Variants in TTYH3 observed in about 807,000 individuals in gnomAD.
TTYH3 encodes the protein tweety family member 3, also known as protein tweety homolog 3.
In TTYH3, 23 loss-of-function variants were observed where a neutral mutation model predicts 68.2. The observed-to-expected ratio is 0.34, with a 90% CI of 0.24 to 0.48. The LOEUF is 0.48. Ranked by LOEUF, TTYH3 falls within the 20% of genes least tolerant of loss-of-function variation. TTYH3 has a pLI of 0.99. For missense variants in TTYH3, 768 were observed against 727.7 expected, an observed-to-expected ratio of 1.06 and a Z score of -0.64; for synonymous variants, 360 against 332.8, an observed-to-expected ratio of 1.08 and a Z score of -0.89.
intron 1 of TTYH3, among the ~76,000 whole-genome samples, chr7:2,635,999 G>T (rs1410698803): frequency 6.6e-6 from 1 of 152,248 alleles, no homozygotes; most frequent in Non-Finnish European, 1.5e-5. Context: ...CGGGGAATGT[G>T]CTGCCTCAGG....
intron 1 of TTYH3, among the ~76,000 whole-genome samples, chr7:2,646,090 C>T (rs879564371): frequency 2.0e-5 from 3 of 152,078 alleles, no homozygotes; most frequent in Non-Finnish European, 4.4e-5. Flanking sequence ...TCTCGGCTCA[C>T]TGCAACCTCC....
chr7:2,647,509 G>A lies in TTYH3; in HGVS notation c.497G>A (p.Arg166Gln). The A allele has an allele frequency of 1.9e-6, 3 of 1,543,592 alleles. No individual in the cohort carries two copies. Among genetic ancestry groups the A allele is most frequent in the Non-Finnish European group, 2.6e-6 (3 of 1,146,442 alleles). The change falls in exon 4 of 14, where the codon CGA becomes CAA. Residue 166 changes from arginine (R) to glutamine (Q), a missense_variant. Arg to Gln is a conservative substitution (Grantham distance 43). Transcript: ENST00000258796. ...RQLAGRPEPLRAVQRLQGLLE... is the reference protein window; with the variant it reads ...RQLAGRPEPLQAVQRLQGLLE... ...CTGGCCGGGCGGCCCGAGCCCCTGC[G>A]AGCCGTACAGAGGCTGCAGGGCCTG...
chr7:2,632,413 C>T (rs1380190374), intron 1 of TTYH3, 135 bp downstream of exon 1: 2 of 914,442 alleles, frequency 2.2e-6, no homozygotes, highest in African/African-American at 3.4e-5. Flanking sequence ...CCACCTCCTC[C>T]TCGCAGGTAC....
intron 2 of TTYH3, 47 bp downstream of exon 2, chr7:2,647,069 C>T (rs1446353170): frequency 6.5e-7 from 1 of 1,530,172 alleles, no homozygotes; most frequent in Non-Finnish European, 8.8e-7. Flanking sequence ...GAGGGGGCGG[C>T]CCGAGGGGGC....
At chr7:2,661,634 G>T (rs761961812) in intron 13 of TTYH3, 34 bp from the exon 14 acceptor site, 6 of 1,603,134 alleles carry the variant, frequency 3.7e-6, no homozygotes, top group Non-Finnish European at 5.1e-6. Context: ...CCATGCAGGG[G>T]CCCTGCTGAT....
intron 5 of TTYH3, 197 bp downstream of exon 5, chr7:2,648,251 C>A (rs891439694): frequency 4.1e-5 from 24 of 579,166 alleles, no homozygotes; most frequent in Non-Finnish European, 3.0e-6. Context: ...TGGCCAGCAT[C>A]CCAGCACACT....
chr7:2,653,585 T>G (rs1051562196), intron 9 of TTYH3, among the ~76,000 whole-genome samples: 2 of 152,142 alleles, frequency 1.3e-5, no homozygotes, highest in Admixed American at 6.6e-5. Context: ...AATAAAGGCC[T>G]GGCGCGGTGG....
At chr7:2,632,350 G>T in intron 1 of TTYH3, 72 bp downstream of exon 1, 1 of 1,385,350 alleles carries the variant, frequency 7.2e-7, no homozygotes, top group Non-Finnish European at 9.5e-7. Context: ...CAGGGTCACG[G>T]CCCCCATCCC....
chr7:2,648,303 G>A (rs918663417), intron 5 of TTYH3: 2 of 490,160 alleles, frequency 4.1e-6, no homozygotes, highest in Non-Finnish European at 7.2e-6. Context: ...TGCACGTGGG[G>A]CACTTGTAGC....
At position 2,647,220 on chromosome 7, in the gene TTYH3, C is replaced by T. The variant is rs754711006; in HGVS notation, c.372C>T (p.His124=). 3.4e-5 allele frequency: 55 copies of T among 1,601,344 alleles called. No homozygotes were observed. The highest frequency in any genetic ancestry group is 4.6e-5 in the Non-Finnish European group (54 of 1,176,368). Residue 124 remains histidine, a synonymous_variant, in exon 3 of 14, where the codon CAC becomes CAT. Coordinates refer to ENST00000258796, the MANE Select transcript of TTYH3 (RefSeq NM_025250.3). The stretch of plus-strand genomic sequence containing the variant: ...ATAGGGCCACCTACTCGCTCCGCCA[C>T]GCCAACCGCACGGTGGCCGGGGTCC... ...GIHRATYSLR[H]ANRTVAGVQD...
In TTYH3 at chr7:2,647,952, C is replaced by G. The variant is rs759005395; in HGVS notation, c.627-7C>G. 1.3e-5 allele frequency: 21 copies of G among 1,606,526 alleles called. 1 individual carries two copies. In the South Asian group the frequency reaches 2.1e-4, roughly 16 times the overall value. On this transcript the variant is annotated splice_polypyrimidine_tract_variant and splice_region_variant and intron_variant, in intron 4 of 13. Coordinates refer to ENST00000258796, the MANE Select transcript of TTYH3 (RefSeq NM_025250.3). ...GTGCCCTGGCGCACTCCCAGGTTTG[C>G]CTGCAGGTGGCTGGGCTACCTGGGC...
chr7:2,659,834 C>G (rs921561796), intron 13 of TTYH3: 1 of 1,223,290 alleles, frequency 8.2e-7, no homozygotes, highest in Non-Finnish European at 1.1e-6. Flanking sequence ...CCCTCGTCCT[C>G]GCCATCACAC....
rs1341924274 is a variant in TTYH3 at position 2,646,997 on chromosome 7, G to A, written c.268G>A (p.Val90Ile). The part of the protein sequence containing the change: ...DADCCCTAWC[V>I]IIATLVCSAG... ...CGACTGCTGCTGCACGGCCTGGTGT[G>A]TCATCATCGCCACGCTGGTGTGCAG... Residue 90 changes from valine (V) to isoleucine (I), a missense_variant, in exon 2 of 14, where the codon GTC becomes ATC. Val to Ile is a conservative substitution (Grantham distance 29, BLOSUM62 3). Coordinates refer to ENST00000258796, the MANE Select transcript of TTYH3 (RefSeq NM_025250.3). The A allele has an allele frequency of 1.3e-6, 2 of 1,583,666 alleles. No homozygotes were observed.
At position 2,647,996 on chromosome 7, in the gene TTYH3, A is replaced by G. The variant is rs568366693; in HGVS notation, c.664A>G (p.Ile222Val). 2.5e-6 allele frequency: 4 copies of G among 1,610,820 alleles called. No homozygotes were observed. Among genetic ancestry groups the G allele is most frequent in the South Asian group, 1.1e-5 (1 of 91,082 alleles). The change falls in exon 5 of 14, where the codon ATC becomes GTC. Residue 222 changes from isoleucine to valine, a missense_variant. By Grantham distance (29) the Ile-to-Val change is conservative (BLOSUM62 3). Coordinates refer to ENST00000258796, the MANE Select transcript of TTYH3 (RefSeq NM_025250.3). ...GYLGLLLLDV[I>V]ICLLVLVGLI... is the part of the protein sequence containing the mutation. ...CCTGGGCCTGCTGCTGCTGGACGTC[A>G]TCATCTGCCTCCTGGTGCTGGTTGG...
chr7:2,632,180 C>G lies in TTYH3; in HGVS notation c.25C>G (p.Pro9Ala). 6.6e-7 allele frequency: 1 copy of G among 1,511,382 alleles called. No homozygotes were observed. 93.6% of individuals were successfully genotyped at this position (1,511,382 alleles called of 1,614,324 possible). A position where few individuals can be genotyped will look rare whatever the true frequency, so the allele number is the denominator to read the frequency against. The change falls in exon 1 of 14, where the codon CCC becomes GCC. Residue 9 changes from proline to alanine, a missense_variant. Pro to Ala is a conservative substitution (Grantham distance 27). Coordinates refer to ENST00000258796, the MANE Select transcript of TTYH3 (RefSeq NM_025250.3). Reference sequence around the variant, plus strand: ...CATGGCCGGGGTCAGCTACGCGGCGCCCTGGTGGGTGAGCCTCCTGCACCG... The same window carrying G: ...CATGGCCGGGGTCAGCTACGCGGCGGCCTGGTGGGTGAGCCTCCTGCACCG... Reference protein sequence around the residue: MAGVSYAAPWWVSLLHRLP... With the variant: MAGVSYAAAWWVSLLHRLP...
chr7:2,652,332 T>A, intron 8 of TTYH3, 90 bp downstream of exon 8: 2 of 1,156,682 alleles, frequency 1.7e-6, no homozygotes, highest in Non-Finnish European at 2.5e-6. Flanking sequence ...GGCGCCTGGC[T>A]CCTCAGCCTG....
chr7:2,634,442 A>T (rs1056875804), intron 1 of TTYH3, among the ~76,000 whole-genome samples: 7 of 151,920 alleles, frequency 4.6e-5, no homozygotes, highest in African/African-American at 1.7e-4. Context: ...TGCTGGCTGT[A>T]GTGGGGGGTG....
intron 1 of TTYH3, among the ~76,000 whole-genome samples, chr7:2,635,281 G>A (rs150738874): frequency 2.3e-3 from 354 of 152,318 alleles, no homozygotes; most frequent in African/African-American, 7.9e-3. Flanking sequence ...CTTGAGGGCA[G>A]CAGAGCCTTC....
At chr7:2,661,357 G>A (rs888948423) in intron 13 of TTYH3, among the ~76,000 whole-genome samples, 7 of 152,154 alleles carry the variant, frequency 4.6e-5, no homozygotes, top group African/African-American at 4.8e-5. Flanking sequence ...CTGGCCCAAT[G>A]CCCAAATGCC....
Sources: allele counts gnomAD v4.1 joint callset (sites outside exome capture counted in the v4.1 genomes callset), GRCh38; gene constraint gnomAD v4.1.1; transcripts MANE v1.5; gene names NCBI Gene and HGNC (gene_info 2026-07-23, HGNC 2026-07-21).